Variants in C1orf21 observed in about 807,000 individuals in gnomAD.
C1orf21 encodes chromosome 1 open reading frame 21.
C1orf21 carries 3 observed loss-of-function variants against 18.7 expected under a neutral mutation model. That is an observed-to-expected ratio of 0.16 (90% CI 0.07 to 0.42). The LOEUF (loss-of-function observed/expected upper bound fraction) is 0.42. Among genes scored for constraint, C1orf21 ranks in the 10% least tolerant of loss-of-function variants. The pLI is 0.99. For synonymous variants in C1orf21, 41 were observed against 46.4 expected (o/e 0.88, Z 0.47); for missense variants, 104 against 143.6 (o/e 0.72, Z 1.41).
rs114432012 is a variant in C1orf21, at chr1:184,489,186, A to G, written c.94+11583A>G. Reference sequence around the variant, plus strand: ...AAAGACAAATGTCAAACTGAGAATAATATTTGCAATACAACTGAAGTTAAT... The same window carrying G: ...AAAGACAAATGTCAAACTGAGAATAGTATTTGCAATACAACTGAAGTTAAT... On this transcript the variant is annotated intron_variant, in intron 2 of 5. Transcript: ENST00000235307. 6.0e-3 allele frequency among the ~76,000 whole-genome samples: 916 copies of G among 152,312 alleles called. 9 individuals are homozygous for G. Among genetic ancestry groups the G allele is most frequent in the African/African-American group, 0.021 (873 of 41,576 alleles).
At chr1:184,585,490 C>T (rs1159853503) in intron 3 of C1orf21, among the ~76,000 whole-genome samples, 4 of 152,066 alleles carry the variant, frequency 2.6e-5, no homozygotes, top group African/African-American at 7.2e-5. Context: ...ATTTTCAGGT[C>T]AGGGGTACAC....
At chr1:184,501,510 G>C (rs1657976342) in intron 2 of C1orf21, among the ~76,000 whole-genome samples, 1 of 152,052 alleles carries the variant, frequency 6.6e-6, no homozygotes, top group Admixed American at 6.5e-5. Context: ...CCCCACATGT[G>C]CTTTTCATGG....
intron 3 of C1orf21, among the ~76,000 whole-genome samples, chr1:184,525,400 T>C (rs1372516905): frequency 1.3e-5 from 2 of 152,164 alleles, no homozygotes; most frequent in Non-Finnish European, 2.9e-5. Context: ...TTTGGTGACC[T>C]CTTTCCTTTC....
intron 1 of C1orf21, among the ~76,000 whole-genome samples, chr1:184,439,711 G>T (rs1370699509): frequency 6.6e-6 from 1 of 152,152 alleles, no homozygotes; most frequent in Non-Finnish European, 1.5e-5. Flanking sequence ...AGCAATTTGG[G>T]AGGCTGAGGC....
intron 1 of C1orf21, among the ~76,000 whole-genome samples, chr1:184,451,282 A>G (rs971939094): frequency 1.2e-4 from 18 of 151,364 alleles, no homozygotes; most frequent in African/African-American, 4.4e-4. Context: ...ACTTTGGAAC[A>G]TTTTTTTGTT....
chr1:184,436,038 A>G (rs1375469308), intron 1 of C1orf21, among the ~76,000 whole-genome samples: 1 of 152,166 alleles, frequency 6.6e-6, no homozygotes, highest in African/African-American at 2.4e-5. Context: ...CCAAAGCCCA[A>G]CAGGAGTGCC....
chr1:184,453,189 G>T (rs1297783083), intron 1 of C1orf21, among the ~76,000 whole-genome samples: 1 of 152,156 alleles, frequency 6.6e-6, no homozygotes, highest in African/African-American at 2.4e-5. Flanking sequence ...TTATTTTAAA[G>T]AACTGAACCC....
chr1:184,599,911 C>T (rs1288814263), intron 5 of C1orf21, among the ~76,000 whole-genome samples: 1 of 152,132 alleles, frequency 6.6e-6, no homozygotes, highest in Admixed American at 6.6e-5. Flanking sequence ...AATTCGGAAA[C>T]GTTTGAACTT....
At chr1:184,504,579 C>T (rs1658025841) in intron 2 of C1orf21, among the ~76,000 whole-genome samples, 1 of 152,196 alleles carries the variant, frequency 6.6e-6, no homozygotes, top group South Asian at 2.1e-4. Flanking sequence ...ATGTGTGGTG[C>T]ATTTGCTGAT....
chr1:184,548,214 A>AACAC (rs58174774), intron 3 of C1orf21, among the ~76,000 whole-genome samples: 13,328 of 139,876 alleles, frequency 0.095, 677 homozygotes, highest in Non-Finnish European at 0.13. Context: ...TCAAATCCCC[A>AACAC]ACACACACAC....
chr1:184,523,743 A>C (rs1011772819), intron 3 of C1orf21, among the ~76,000 whole-genome samples: 1 of 152,194 alleles, frequency 6.6e-6, no homozygotes, highest in Non-Finnish European at 1.5e-5. Flanking sequence ...TTTAAGGTAT[A>C]AAATTTGTTT....
At chr1:184,610,846 C>CAA (rs201966213) in intron 5 of C1orf21, among the ~76,000 whole-genome samples, 14 of 72,382 alleles carry the variant, frequency 1.9e-4, no homozygotes, top group African/African-American at 3.0e-4. Context: ...GACTCTGACT[C>CAA]AAAAAAAAAA....
intron 3 of C1orf21, among the ~76,000 whole-genome samples, chr1:184,585,865 C>T (rs1330965842): frequency 6.6e-6 from 1 of 152,164 alleles, no homozygotes; most frequent in Non-Finnish European, 1.5e-5. Context: ...ATTCAGTCTA[C>T]CACTGGTGGG....
At chr1:184,417,407 CT>C (rs1319776342) in intron 1 of C1orf21, among the ~76,000 whole-genome samples, 3 of 152,154 alleles carry the variant, frequency 2.0e-5, no homozygotes, top group Non-Finnish European at 4.4e-5. Flanking sequence ...CTACGGAATG[CT>C]TGTGAAGGCT....
At chr1:184,508,269 A>G (rs1658095519) in intron 3 of C1orf21, among the ~76,000 whole-genome samples, 1 of 152,176 alleles carries the variant, frequency 6.6e-6, no homozygotes, top group African/African-American at 2.4e-5. Flanking sequence ...CAGTATACAC[A>G]TTCCATCTTA....
intron 2 of C1orf21, among the ~76,000 whole-genome samples, chr1:184,504,618 C>T (rs183873046): frequency 6.6e-6 from 1 of 152,202 alleles, no homozygotes; most frequent in African/African-American, 2.4e-5. Context: ...TGGATATCTT[C>T]CTTCCCGGCA....
At chr1:184,434,672 A>C (rs1392501973) in intron 1 of C1orf21, among the ~76,000 whole-genome samples, 1 of 152,114 alleles carries the variant, frequency 6.6e-6, no homozygotes, top group East Asian at 1.9e-4. Flanking sequence ...GAATGATGAG[A>C]AGGGTGATGG....
At chr1:184,591,667 A>G (rs1369575583) in intron 4 of C1orf21, among the ~76,000 whole-genome samples, 6 of 152,050 alleles carry the variant, frequency 3.9e-5, no homozygotes, top group South Asian at 2.1e-4. Context: ...TTAGCCGGGC[A>G]TGGTGGCGGG....
At chr1:184,583,475 A>G (rs1659310366) in intron 3 of C1orf21, among the ~76,000 whole-genome samples, 1 of 152,220 alleles carries the variant, frequency 6.6e-6, no homozygotes, top group African/African-American at 2.4e-5. Flanking sequence ...AATAATAAAA[A>G]AAGTTAAAGA....
Sources: gnomAD v4.1 joint callset for allele counts (sites outside exome capture counted in the v4.1 genomes callset) on GRCh38, gnomAD v4.1.1 for gene constraint, MANE v1.5 for transcripts, NCBI Gene and HGNC (gene_info 2026-07-23, HGNC 2026-07-21) for gene names.